Variants in BCKDHB observed in about 807,000 individuals in gnomAD.
BCKDHB encodes 2-oxoisovalerate dehydrogenase subunit beta, mitochondrial.
Under a neutral mutation model 48.5 loss-of-function variants are expected in BCKDHB, and 41 were observed. That is an observed-to-expected ratio of 0.85 (90% CI 0.66 to 1.10). BCKDHB has a LOEUF of 1.10. Ranked by LOEUF, BCKDHB falls within the 50% of genes least tolerant of loss-of-function variation. The pLI is 0.00. For synonymous variants in BCKDHB, 201 were observed against 174.8 expected, an observed-to-expected ratio of 1.15 and a Z score of -1.18; for missense variants, 496 against 494.2, an observed-to-expected ratio of 1.00 and a Z score of -0.03.
At chr6:80,457,698 G>A in the BCKDHB span, among the ~76,000 whole-genome samples, 3 of 152,258 alleles carry the variant, frequency 2.0e-5, no homozygotes, top group South Asian at 6.2e-4. Context: ...TCATCTACCG[G>A]GAAGTCAGAC....
At chr6:80,454,318 C>T in the BCKDHB span, 5 of 152,224 alleles carry the variant, frequency 3.3e-5, no homozygotes, top group Non-Finnish European at 5.9e-5. Flanking sequence ...ACAATCAGCA[C>T]TGGTTCTTCC....
At chr6:80,115,786 G>A (rs1769666311) in intron 1 of BCKDHB, among the ~76,000 whole-genome samples, 1 of 151,914 alleles carries the variant, frequency 6.6e-6, no homozygotes, top group African/African-American at 2.4e-5. Flanking sequence ...ACAGGCGCCT[G>A]CCACCACGCC....
chr6:80,361,487 TTAG>T, the BCKDHB span, among the ~76,000 whole-genome samples: 17 of 152,270 alleles, frequency 1.1e-4, no homozygotes, highest in East Asian at 3.3e-3. Context: ...TATCCAGAAC[TTAG>T]TAGAGGAAGG....
the BCKDHB span, among the ~76,000 whole-genome samples, chr6:80,379,129 G>A: frequency 6.6e-6 from 1 of 151,600 alleles, no homozygotes; most frequent in Non-Finnish European, 1.5e-5. Context: ...AATCAGATAA[G>A]GACACAAGAA....
chr6:80,200,824 A>G, intron 6 of BCKDHB, 110 bp from the exon 7 acceptor site: 1 of 883,744 alleles, frequency 1.1e-6, no homozygotes, highest in East Asian at 2.6e-5. Flanking sequence ...GAATTTAGAG[A>G]AACAAAAAAT....
chr6:80,270,229 G>A lies in BCKDHB; in HGVS notation c.952-2906G>A, dbSNP rs1012399341. 9.9e-5 allele frequency among the ~76,000 whole-genome samples: 15 copies of A among 152,166 alleles called. No individual in the cohort carries two copies. The East Asian group carries it at 2.3e-3, about 24-fold the overall frequency. Reference sequence around the variant, plus strand: ...AGTTCAGTATATGCTAATTGAGTGTGACTGAAAGTATCAGTCTTCTAAATT... The same window carrying A: ...AGTTCAGTATATGCTAATTGAGTGTAACTGAAAGTATCAGTCTTCTAAATT... On this transcript the variant is annotated intron_variant, in intron 8 of 9. Transcript: ENST00000320393.
At chr6:80,398,162 TAAA>T in the BCKDHB span, among the ~76,000 whole-genome samples, 7 of 149,962 alleles carry the variant, frequency 4.7e-5, no homozygotes, top group Non-Finnish European at 8.9e-5. Context: ...ACATCACAAC[TAAA>T]AAAAAATTAG....
chr6:80,201,010 T>A lies in BCKDHB; in HGVS notation c.819T>A (p.Thr273=). 2.5e-6 allele frequency: 4 copies of A among 1,612,138 alleles called. No homozygotes were observed. The highest frequency in any genetic ancestry group is 3.4e-6 in the Non-Finnish European group (4 of 1,178,392). Residue 273 remains threonine (T), a synonymous_variant, in exon 7 of 10, where the codon ACT becomes ACA. Coordinates refer to ENST00000320393, the MANE Select transcript of BCKDHB (RefSeq NM_183050.4). ...TCATACAGGAAGGGAGTGATGTTAC[T>A]CTAGTTGCCTGGGGCACTCAGGTGA... The part of the protein sequence containing the change: ...AEVIQEGSDV[T]LVAWGTQVHV...
intron 8 of BCKDHB, among the ~76,000 whole-genome samples, chr6:80,253,343 G>T (rs1011438214): frequency 1.3e-5 from 2 of 152,206 alleles, no homozygotes; most frequent in Non-Finnish European, 2.9e-5. Context: ...AGCAGATCTA[G>T]AGAGGAAGGT....
chr6:80,127,436 A>C (rs1770401054), intron 1 of BCKDHB, 111 bp from the exon 2 acceptor site: 2 of 874,370 alleles, frequency 2.3e-6, no homozygotes, highest in East Asian at 2.5e-5. Context: ...AATTTGCATA[A>C]TATCTTTCTT....
At chr6:80,282,200 A>G (rs1012706448) in intron 9 of BCKDHB, among the ~76,000 whole-genome samples, 10 of 152,206 alleles carry the variant, frequency 6.6e-5, no homozygotes, top group Non-Finnish European at 1.3e-4. Flanking sequence ...ATGAAAAAAT[A>G]TGCCACTTAC....
intron 9 of BCKDHB, among the ~76,000 whole-genome samples, chr6:80,335,245 A>AAAAAAT (rs59529287): frequency 9.5e-6 from 1 of 105,776 alleles, no homozygotes; most frequent in African/African-American, 2.7e-5. Context: ...AAAAAAAAAA[A>AAAAAAT]AAGAAGAAAA....
At chr6:80,107,787 A>T (rs1769204043) in intron 1 of BCKDHB, among the ~76,000 whole-genome samples, 1 of 151,952 alleles carries the variant, frequency 6.6e-6, no homozygotes, top group South Asian at 2.1e-4. Context: ...GGCATGTAGC[A>T]AACTCCTCAT....
At chr6:80,323,783 T>C (rs2128003746) in intron 9 of BCKDHB, among the ~76,000 whole-genome samples, 1 of 152,328 alleles carries the variant, frequency 6.6e-6, no homozygotes, top group African/African-American at 2.4e-5. Context: ...GCAAAATTAT[T>C]ATTATTTGAG....
intron 9 of BCKDHB, among the ~76,000 whole-genome samples, chr6:80,291,707 A>G (rs772675567): frequency 6.6e-6 from 1 of 152,130 alleles, no homozygotes; most frequent in Non-Finnish European, 1.5e-5. Flanking sequence ...TCACAGGAGT[A>G]AGCAGGGTTA....
At chr6:80,185,676 G>A (rs1306263669) in intron 6 of BCKDHB, among the ~76,000 whole-genome samples, 1 of 152,182 alleles carries the variant, frequency 6.6e-6, no homozygotes, top group Non-Finnish European at 1.5e-5. Context: ...CTGGACTGCA[G>A]TTCTTGTTAT....
chr6:80,346,944 G>A (rs1431616366), downstream of BCKDHB, among the ~76,000 whole-genome samples: 1 of 150,652 alleles, frequency 6.6e-6, no homozygotes, highest in Admixed American at 6.6e-5. Flanking sequence ...CCCCCATAAA[G>A]CAAAGAATGA....
chr6:80,124,605 C>G (rs1770237856), intron 1 of BCKDHB, among the ~76,000 whole-genome samples: 1 of 152,112 alleles, frequency 6.6e-6, no homozygotes, highest in Admixed American at 6.6e-5. Flanking sequence ...ATAGTTAGCT[C>G]TTCTTTTTGA....
intron 8 of BCKDHB, among the ~76,000 whole-genome samples, chr6:80,270,755 A>G (rs548044572): frequency 1.3e-5 from 2 of 152,244 alleles, no homozygotes; most frequent in East Asian, 3.9e-4. Flanking sequence ...GACCTGGAGC[A>G]GATCACACAG....
Sources: gnomAD v4.1 joint callset for allele counts (sites outside exome capture counted in the v4.1 genomes callset) on GRCh38, gnomAD v4.1.1 for gene constraint, MANE v1.5 for transcripts, NCBI Gene and HGNC (gene_info 2026-07-23, HGNC 2026-07-21) for gene names.